Variants in MAGI2 observed in about 807,000 individuals in gnomAD.
MAGI2 encodes the protein membrane-associated guanylate kinase, WW and PDZ domain-containing protein 2.
MAGI2 carries 35 observed loss-of-function variants against 133.3 expected under a neutral mutation model. That is an observed-to-expected ratio of 0.26 (90% CI 0.20 to 0.35). The LOEUF is 0.35. Ranked by LOEUF, MAGI2 falls within the 10% of genes least tolerant of loss-of-function variation. The probability of loss-of-function intolerance (pLI) is 1.00; values close to 1 mark genes in which losing one functional copy is unlikely to be tolerated. For synonymous variants in MAGI2, 729 were observed against 710.6 expected (o/e 1.03, Z -0.41); for missense variants, 1,636 against 1,863.4 (o/e 0.88, Z 2.25).
At chr7:78,323,269 G>A (rs1430088151) in intron 9 of MAGI2, among the ~76,000 whole-genome samples, 14 of 152,144 alleles carry the variant, frequency 9.2e-5, no homozygotes, top group Admixed American at 9.2e-4. Flanking sequence ...ATATCTTTCT[G>A]TGATTAATTT....
At chr7:78,847,769 A>C (rs566054031) in intron 2 of MAGI2, among the ~76,000 whole-genome samples, 1 of 151,980 alleles carries the variant, frequency 6.6e-6, no homozygotes, top group East Asian at 1.9e-4. Context: ...CCTTCTTCTC[A>C]CTTTTCTTCA....
At chr7:78,708,735 C>G (rs1194035963) in intron 2 of MAGI2, among the ~76,000 whole-genome samples, 1 of 152,090 alleles carries the variant, frequency 6.6e-6, no homozygotes, top group Non-Finnish European at 1.5e-5. Flanking sequence ...TAAGCTCACC[C>G]TCACATCAAC....
At chr7:78,714,301 A>C (rs1214529246) in intron 2 of MAGI2, among the ~76,000 whole-genome samples, 1 of 152,138 alleles carries the variant, frequency 6.6e-6, no homozygotes, top group East Asian at 1.9e-4. Flanking sequence ...TTAATATCCA[A>C]TTCTGCTTTA....
chr7:78,648,121 T>G (rs958029015), intron 2 of MAGI2, among the ~76,000 whole-genome samples: 1 of 152,176 alleles, frequency 6.6e-6, no homozygotes, highest in African/African-American at 2.4e-5. Flanking sequence ...GTTGTGCACA[T>G]GTACCCTAGA....
intron 3 of MAGI2, among the ~76,000 whole-genome samples, chr7:78,602,385 T>C (rs986698199): frequency 2.6e-5 from 4 of 152,082 alleles, no homozygotes; most frequent in Non-Finnish European, 5.9e-5. Context: ...GTCTCAAACT[T>C]CTGACCTCAG....
intron 2 of MAGI2, chr7:78,771,287 G>A (rs528073094): frequency 6.6e-6 from 1 of 152,196 alleles, no homozygotes; most frequent in East Asian, 1.9e-4. Flanking sequence ...CTCAGCACAA[G>A]AACCTGTGTT....
At chr7:78,650,538 A>G (rs1040823904) in intron 2 of MAGI2, among the ~76,000 whole-genome samples, 34 of 152,314 alleles carry the variant, frequency 2.2e-4, no homozygotes, top group African/African-American at 7.5e-4. Context: ...ATTTAACTTC[A>G]AAATATGTGT....
At chr7:78,448,093 C>T (rs1788339894) in intron 6 of MAGI2, among the ~76,000 whole-genome samples, 1 of 152,156 alleles carries the variant, frequency 6.6e-6, no homozygotes, top group African/African-American at 2.4e-5. Context: ...CTGCAAATGA[C>T]AGGATTTCCT....
chr7:78,653,579 A>C (rs914342491), intron 2 of MAGI2, among the ~76,000 whole-genome samples: 3 of 152,134 alleles, frequency 2.0e-5, no homozygotes, highest in African/African-American at 7.2e-5. Flanking sequence ...GTGGGAGTTG[A>C]ATAATGAGAA....
chr7:78,046,071 C>G (rs17160657), intron 21 of MAGI2, among the ~76,000 whole-genome samples: 14,417 of 151,854 alleles, frequency 0.095, 748 homozygotes, highest in African/African-American at 0.11. Context: ...GGGAAGGAAT[C>G]CCGCTTTCTC....
chr7:79,383,188 T>C (rs1843922985), intron 1 of MAGI2, among the ~76,000 whole-genome samples: 1 of 151,788 alleles, frequency 6.6e-6, no homozygotes, highest in East Asian at 1.9e-4. Flanking sequence ...TCCATTATTT[T>C]TATCATTCTG....
At chr7:78,983,304 T>C (rs1019539617) in intron 2 of MAGI2, among the ~76,000 whole-genome samples, 1 of 151,976 alleles carries the variant, frequency 6.6e-6, no homozygotes, top group African/African-American at 2.4e-5. Context: ...GGTAAATACA[T>C]GTGCTTTTAT....
intron 7 of MAGI2, among the ~76,000 whole-genome samples, chr7:78,350,936 C>T (rs576065217): frequency 1.5e-4 from 23 of 152,252 alleles, no homozygotes; most frequent in Middle Eastern, 3.4e-3. Flanking sequence ...AGTGCATAGT[C>T]GTGGATGACA....
intron 2 of MAGI2, among the ~76,000 whole-genome samples, chr7:78,983,694 A>T (rs971242449): frequency 1.3e-5 from 2 of 151,954 alleles, no homozygotes; most frequent in African/African-American, 2.4e-5. Flanking sequence ...TTGACCAATC[A>T]GCAATATTTG....
rs987932376 is a variant in MAGI2 at position 79,447,945 on chromosome 7, A to G, written c.301+5075T>C. Among the ~76,000 whole-genome samples, 19 of 152,012 alleles carry G rather than the reference A, an allele frequency of 1.2e-4. 1 individual carries two copies. In the South Asian group the frequency reaches 2.5e-3, roughly 20 times the overall value. ...GTGCTTAATTTCTAGCTGAGAAGTA[A>G]AAGTTCAACAGCATGATACTTACTC... On this transcript the variant is annotated intron_variant, in intron 1 of 21. Coordinates refer to ENST00000354212, the MANE Select transcript of MAGI2 (RefSeq NM_012301.4).
rs748056902 is a variant in MAGI2 at position 78,127,396 on chromosome 7, G to C, written c.3224C>G (p.Ala1075Gly). The change falls in exon 19 of 22, where the codon GCA (alanine) becomes GGA (glycine). Residue 1075 changes from alanine (A) to glycine (G), a missense_variant. Physicochemically the swap from Ala to Gly is moderately conservative, Grantham distance 60. Transcript: ENST00000354212. Reference sequence around the variant, plus strand: ...GATGTCTGGTTTCACATCTTGCCTTGCTTTCACTTCCGACCTGTAACTAAA... The same window carrying C: ...GATGTCTGGTTTCACATCTTGCCTTCCTTTCACTTCCGACCTGTAACTAAA... ...HENSYRSEVK[A>G]RQDVKPDIRQ... 6.2e-7 allele frequency: 1 copy of C among 1,604,588 alleles called. No homozygotes were observed. The highest frequency in any genetic ancestry group is 1.1e-5 in the South Asian group (1 of 91,034).
At chr7:79,379,935 G>C (rs1585771377) in intron 1 of MAGI2, among the ~76,000 whole-genome samples, 1 of 151,220 alleles carries the variant, frequency 6.6e-6, no homozygotes, top group Admixed American at 6.6e-5. Context: ...AGGAAAACTG[G>C]CTAGCCATAT....
At chr7:78,724,113 G>A (rs1263710358) in intron 2 of MAGI2, among the ~76,000 whole-genome samples, 1 of 152,012 alleles carries the variant, frequency 6.6e-6, no homozygotes, top group Non-Finnish European at 1.5e-5. Context: ...GGAGATGAGA[G>A]ATCACAATGA....
At chr7:78,450,029 T>A (rs1161777781) in intron 6 of MAGI2, among the ~76,000 whole-genome samples, 1 of 152,086 alleles carries the variant, frequency 6.6e-6, no homozygotes, top group African/African-American at 2.4e-5. Flanking sequence ...CATATTTGAT[T>A]CATTCAGGAC....
Sources: gnomAD v4.1 joint callset for allele counts (sites outside exome capture counted in the v4.1 genomes callset) on GRCh38, gnomAD v4.1.1 for gene constraint, MANE v1.5 for transcripts, NCBI Gene and HGNC (gene_info 2026-07-23, HGNC 2026-07-21) for gene names.